Variants in KCNT2 observed in about 807,000 individuals in gnomAD.
The protein encoded by KCNT2 is potassium sodium-activated channel subfamily T member 2.
KCNT2 carries 67 observed loss-of-function variants against 153.8 expected under a neutral mutation model. The observed-to-expected ratio is 0.44, with a 90% CI of 0.36 to 0.53. The LOEUF (loss-of-function observed/expected upper bound fraction) is 0.53, where lower values mean the gene tolerates loss of function less well. Ranked by LOEUF, KCNT2 falls within the 20% of genes least tolerant of loss-of-function variation. The pLI, the probability that KCNT2 is intolerant of heterozygous loss-of-function variation, is 0.00. For synonymous variants in KCNT2, 500 were observed against 458.8 expected, an observed-to-expected ratio of 1.09 and a Z score of -1.15; for missense variants, 975 against 1,354.8, an observed-to-expected ratio of 0.72 and a Z score of 4.40.
chr1:196,318,883 CAT>C (rs1353269235), intron 20 of KCNT2, among the ~76,000 whole-genome samples: 2 of 151,594 alleles, frequency 1.3e-5, no homozygotes, highest in Non-Finnish European at 3.0e-5. Flanking sequence ...GGAAAAGTAA[CAT>C]ATATTATTTC....
In KCNT2 at chr1:196,269,218, C is replaced by G. The variant is rs550877333; in HGVS notation, c.2911-10724G>C. Among the ~76,000 whole-genome samples, 12 of 152,276 alleles carry G rather than the reference C, an allele frequency of 7.9e-5. No homozygotes were observed. In the East Asian group the frequency reaches 2.3e-3, roughly 29 times the overall value. ...TGTTAAGAAAGATATCTGTGATTGA[C>G]TTTAGCAAATATATGTTGAGCACTT... On this transcript the variant is annotated intron_variant, in intron 25 of 27. Coordinates refer to ENST00000294725, the MANE Select transcript of KCNT2 (RefSeq NM_198503.5).
intron 21 of KCNT2, among the ~76,000 whole-genome samples, chr1:196,312,240 C>T (rs1662254105): frequency 6.6e-6 from 1 of 151,160 alleles, no homozygotes; most frequent in South Asian, 2.1e-4. Flanking sequence ...TGTAGGGAGG[C>T]GAACAGCCAA....
chr1:196,560,184 T>C (rs1378628054), intron 1 of KCNT2, among the ~76,000 whole-genome samples: 1 of 151,874 alleles, frequency 6.6e-6, no homozygotes, highest in Non-Finnish European at 1.5e-5. Flanking sequence ...CCCCTGTGCT[T>C]GTGTAGCTTA....
In KCNT2 at chr1:196,537,505, G is replaced by A. The variant is rs145191643; in HGVS notation, c.96-45164C>T. Among the ~76,000 whole-genome samples the A allele has an allele frequency of 5.2e-4, 79 of 152,276 alleles. 1 individual carries two copies. Among genetic ancestry groups the A allele is most frequent in the African/African-American group, 1.8e-3 (76 of 41,550 alleles). ...CAGTGCCAGCACTCGTGGTATGTTG[G>A]TGGTGGACCAGTGGATTGTAAACCT... On this transcript the variant is annotated intron_variant, in intron 1 of 27. Transcript: ENST00000294725.
At chr1:196,396,616 C>G (rs553415125) in intron 13 of KCNT2, among the ~76,000 whole-genome samples, 1 of 151,466 alleles carries the variant, frequency 6.6e-6, no homozygotes, top group Non-Finnish European at 1.5e-5. Context: ...AACTAGGATG[C>G]CTTCATCTTT....
rs540393180 is a variant in KCNT2 at position 196,570,613 on chromosome 1, G to C, written c.95+37602C>G. On this transcript the variant is annotated intron_variant, in intron 1 of 27. Transcript: ENST00000294725. ...AATACTTTATACATGTTATAAACTGGCAGATGCAATGATACTCAAAGAGTC... is the reference window on the plus strand; with the variant it reads ...AATACTTTATACATGTTATAAACTGCCAGATGCAATGATACTCAAAGAGTC... 5.7e-4 allele frequency among the ~76,000 whole-genome samples: 86 copies of C among 152,106 alleles called. 1 individual carries two copies. The South Asian group carries it at 0.017, about 30-fold the overall frequency.
intron 21 of KCNT2, among the ~76,000 whole-genome samples, 166 bp downstream of exon 21, chr1:196,315,726 T>C (rs1308086978): frequency 6.6e-6 from 1 of 151,782 alleles, no homozygotes; most frequent in Non-Finnish European, 1.5e-5. Flanking sequence ...AATTTAACTT[T>C]ATGCAGTGCC....
chr1:196,483,416 A>G (rs1439616787), intron 3 of KCNT2, among the ~76,000 whole-genome samples: 1 of 152,072 alleles, frequency 6.6e-6, no homozygotes, highest in East Asian at 1.9e-4. Context: ...GCCTTCTACC[A>G]TTTTTCTCCA....
At chr1:196,492,405 A>G (rs1679927584) in intron 1 of KCNT2, 64 bp from the exon 2 acceptor site, 6 of 1,120,560 alleles carry the variant, frequency 5.4e-6, no homozygotes, top group Non-Finnish European at 7.0e-6. Context: ...TTTCATGAAG[A>G]TCAACAAATA....
chr1:196,445,540 A>G (rs1675614646), intron 8 of KCNT2, among the ~76,000 whole-genome samples: 1 of 151,434 alleles, frequency 6.6e-6, no homozygotes, highest in Admixed American at 6.6e-5. Flanking sequence ...ACTGACTCTT[A>G]TTTTTATGTA....
At chr1:196,469,950 T>C (rs1245470075) in intron 5 of KCNT2, among the ~76,000 whole-genome samples, 1 of 152,226 alleles carries the variant, frequency 6.6e-6, no homozygotes, top group Non-Finnish European at 1.5e-5. Flanking sequence ...AAATTGGGAC[T>C]CTTTCTTAAT....
At chr1:196,382,874 T>C (rs1669628877) in intron 13 of KCNT2, among the ~76,000 whole-genome samples, 2 of 152,042 alleles carry the variant, frequency 1.3e-5, no homozygotes, top group Admixed American at 1.3e-4. Context: ...GAGTTTATGG[T>C]AACACAATCT....
At chr1:196,553,782 T>C (rs1021395498) in intron 1 of KCNT2, among the ~76,000 whole-genome samples, 1 of 151,094 alleles carries the variant, frequency 6.6e-6, no homozygotes, top group Non-Finnish European at 1.5e-5. Flanking sequence ...ATATCACTCA[T>C]TGAGTCTAAC....
chr1:196,438,547 A>G (rs1414783747), intron 8 of KCNT2, among the ~76,000 whole-genome samples: 1 of 151,940 alleles, frequency 6.6e-6, no homozygotes, highest in Non-Finnish European at 1.5e-5. Context: ...TTTGCAAAGA[A>G]TAGTCATGTT....
At chr1:196,595,835 C>A (rs984063284) in intron 1 of KCNT2, among the ~76,000 whole-genome samples, 5 of 151,706 alleles carry the variant, frequency 3.3e-5, no homozygotes, top group African/African-American at 1.2e-4. Context: ...TAACCCTCAC[C>A]CTTCCTCCCG....
chr1:196,340,663 C>T (rs1665534316), intron 15 of KCNT2, 93 bp from the exon 16 acceptor site: 1 of 735,366 alleles, frequency 1.4e-6, no homozygotes, highest in Non-Finnish European at 2.1e-6. Flanking sequence ...CATTTTAAAG[C>T]TTGAAATGAT....
At chr1:196,605,123 A>G (rs1665171686) in intron 1 of KCNT2, among the ~76,000 whole-genome samples, 1 of 152,228 alleles carries the variant, frequency 6.6e-6, no homozygotes, top group Non-Finnish European at 1.5e-5. Context: ...AACAAGGTAG[A>G]AAGTGTTTAT....
intron 22 of KCNT2, among the ~76,000 whole-genome samples, chr1:196,289,138 C>A (rs1172856621): frequency 2.0e-5 from 3 of 152,008 alleles, no homozygotes; most frequent in Non-Finnish European, 1.5e-5. Flanking sequence ...TATATTACCT[C>A]AAGAACTTTG....
rs756652379 is a variant in KCNT2 at position 196,331,219 on chromosome 1, A to G, written c.2040T>C (p.Ser680=). 1 of 1,608,534 alleles carries G rather than the reference A, an allele frequency of 6.2e-7. No individual in the cohort carries two copies. The highest frequency in any genetic ancestry group is 2.2e-5 in the East Asian group (1 of 44,718). The change falls in exon 18 of 28, where the codon AGT becomes AGC. Residue 680 remains serine, a synonymous_variant. Transcript: ENST00000294725. The stretch of plus-strand genomic sequence containing the variant: ...GAAGGAGATGACAAAAAGTGGGTGA[A>G]CTTCCTATATATGGAGAATAAGGTG... ...GYPPYSPYIG[S]SPTFCHLLHE...
Sources: allele counts gnomAD v4.1 joint callset (sites outside exome capture counted in the v4.1 genomes callset), GRCh38; gene constraint gnomAD v4.1.1; transcripts MANE v1.5; gene names NCBI Gene and HGNC (gene_info 2026-07-23, HGNC 2026-07-21).